Variants in ARNT2 observed in about 807,000 individuals in gnomAD.
The protein encoded by ARNT2 is aryl hydrocarbon receptor nuclear translocator 2, also known as ARNT protein 2.
A neutral mutation model predicts 91.7 loss-of-function variants in ARNT2; 36 were observed. The observed-to-expected ratio is 0.39, with a 90% CI of 0.30 to 0.52. The LOEUF is 0.52. Among genes scored for constraint, ARNT2 ranks in the 20% least tolerant of loss-of-function variants. The pLI is 0.72. For synonymous variants in ARNT2, 365 were observed against 347.1 expected (o/e 1.05, Z -0.57); for missense variants, 775 against 939.3 (o/e 0.83, Z 2.29).
chr15:80,441,148 C>T, intron 1 of ARNT2: 1 of 921,934 alleles, frequency 1.1e-6, no homozygotes, highest in Non-Finnish European at 1.3e-6. Context: ...GCAGTTAATG[C>T]TAGAAATTTT....
chr15:80,574,902 T>C, intron 13 of ARNT2, 85 bp from the exon 14 acceptor site: 2 of 1,487,058 alleles, frequency 1.3e-6, no homozygotes, highest in Non-Finnish European at 9.2e-7. Flanking sequence ...GGGGCTCTGA[T>C]GAAGGAGAGC....
chr15:80,470,221 G>T lies in ARNT2; in HGVS notation c.198G>T (p.Glu66Asp). 6.2e-7 allele frequency: 1 copy of T among 1,613,748 alleles called. No homozygotes were observed. The highest frequency in any genetic ancestry group is 1.1e-5 in the South Asian group (1 of 90,956). The stretch of plus-strand genomic sequence containing the variant: ...TGATCTCGTGCTTTCTGGAAAGAGA[G>T]AATCATAGTGAAATCGAAAGGCGCA... ...DGEGPSKFSR[E>D]NHSEIERRRR... Residue 66 changes from glutamate (E) to aspartate (D), a missense_variant, in exon 4 of 19, where the codon GAG becomes GAT. By Grantham distance (45) the Glu-to-Asp change is conservative. Around this residue, in one of 5 missense-constraint regions of ARNT2, gnomAD observed 83 missense variants for 149.4 expected, o/e 0.56. Coordinates refer to ENST00000303329, the MANE Select transcript of ARNT2 (RefSeq NM_014862.4).
intron 5 of ARNT2, among the ~76,000 whole-genome samples, chr15:80,497,971 A>C (rs1897142738): frequency 6.6e-6 from 1 of 152,220 alleles, no homozygotes; most frequent in South Asian, 2.1e-4. Context: ...GAAGCTGAAC[A>C]TCTGCATGTG....
chr15:80,513,823 T>C (rs1897383237), intron 6 of ARNT2, 88 bp from the exon 7 acceptor site: 3 of 1,141,976 alleles, frequency 2.6e-6, no homozygotes, highest in Non-Finnish European at 4.0e-6. Context: ...TAAGCATCAA[T>C]TAAGGCTCAT....
At chr15:80,433,207 C>T (rs201373572) in intron 1 of ARNT2, among the ~76,000 whole-genome samples, 1 of 130,362 alleles carries the variant, frequency 7.7e-6, no homozygotes, top group Admixed American at 7.5e-5. Flanking sequence ...CATTTTTTTT[C>T]CTTTTTAGAA....
At chr15:80,515,594 A>AATGACTGCT (rs1455106786) in intron 8 of ARNT2, among the ~76,000 whole-genome samples, 1 of 152,188 alleles carries the variant, frequency 6.6e-6, no homozygotes, top group African/African-American at 2.4e-5. Context: ...AAGAATGAGG[A>AATGACTGCT]ATGACTGCTA....
At chr15:80,508,101 T>C in intron 5 of ARNT2, 55 bp from the exon 6 acceptor site, 1 of 1,568,834 alleles carries the variant, frequency 6.4e-7, no homozygotes, top group Non-Finnish European at 8.8e-7. Context: ...AACTCCCTCC[T>C]CCATCTCCCA....
intron 4 of ARNT2, among the ~76,000 whole-genome samples, chr15:80,474,194 C>G (rs1595978533): frequency 6.6e-6 from 1 of 152,178 alleles, no homozygotes; most frequent in Non-Finnish European, 1.5e-5. Flanking sequence ...TTGCCCCATC[C>G]ACGTCCTTCT....
At chr15:80,571,108 G>T (rs1336081861) in intron 12 of ARNT2, among the ~76,000 whole-genome samples, 4 of 152,208 alleles carry the variant, frequency 2.6e-5, no homozygotes, top group Non-Finnish European at 5.9e-5. Context: ...GGCAGAAGTT[G>T]TTCCCCAGAT....
At chr15:80,509,543 A>T (rs1897315495) in intron 6 of ARNT2, among the ~76,000 whole-genome samples, 1 of 152,180 alleles carries the variant, frequency 6.6e-6, no homozygotes, top group Non-Finnish European at 1.5e-5. Flanking sequence ...AAGTAGACAA[A>T]AGTACCAAGT....
chr15:80,450,911 G>T lies in ARNT2; in HGVS notation c.63G>T (p.Thr21=). The T allele has an allele frequency of 3.7e-6, 6 of 1,614,198 alleles. No homozygotes were observed. The highest frequency in any genetic ancestry group is 1.3e-5 in the African/African-American group (1 of 75,072). The stretch of plus-strand genomic sequence containing the variant: ...CTTCAGACATACCTGGATCTGTGAC[G>T]TTGCCCGTTGCCCCCATGGCGGCCA... ...EMASDIPGSV[T]LPVAPMAATG... The change falls in exon 2 of 19, where the codon ACG becomes ACT. Residue 21 remains threonine (T), a synonymous_variant. Coordinates refer to ENST00000303329, the MANE Select transcript of ARNT2 (RefSeq NM_014862.4).
chr15:80,411,781 ACAC>A lies in ARNT2; in HGVS notation c.31+7237_31+7239del, dbSNP rs549942842. On this transcript the variant is annotated intron_variant, in intron 1 of 18. Transcript: ENST00000303329. The stretch of plus-strand genomic sequence containing the variant: ...GCAGGTGGGTGGGTGAGGAGGTCCT[ACAC>A]CTACCTGATACCTTGGACACACAAA... Among the ~76,000 whole-genome samples, 84 of 152,046 alleles carry A rather than the reference ACAC, an allele frequency of 5.5e-4. 1 individual carries two copies. The highest frequency in any genetic ancestry group is 1.7e-3 in the African/African-American group (70 of 41,462).
chr15:80,506,797 A>G (rs1897281561), intron 5 of ARNT2, among the ~76,000 whole-genome samples: 1 of 152,228 alleles, frequency 6.6e-6, no homozygotes, highest in Admixed American at 6.5e-5. Flanking sequence ...GAGAATGCCA[A>G]CATGGGGTGG....
At position 80,475,186 on chromosome 15, in the gene ARNT2, G is replaced by C. The variant is rs1334913981; in HGVS notation, c.585G>C (p.Leu195=). The C allele has an allele frequency of 6.2e-7, 1 of 1,614,032 alleles. No individual in the cohort carries two copies. The highest frequency in any genetic ancestry group is 1.3e-5 in the African/African-American group (1 of 74,934). The change falls in exon 5 of 19, where the codon CTG becomes CTC. Residue 195 remains leucine (L), a synonymous_variant. Transcript: ENST00000303329. ...EQVHPDDVEK[L]REQLCTSENS... Reference sequence around the variant, plus strand: ...TGCATCCTGATGACGTGGAGAAGCTGAGAGAGCAACTGTGCACCTCAGAAA... The same window carrying C: ...TGCATCCTGATGACGTGGAGAAGCTCAGAGAGCAACTGTGCACCTCAGAAA...
intron 8 of ARNT2, among the ~76,000 whole-genome samples, chr15:80,550,583 GA>G (rs2141455512): frequency 6.6e-6 from 1 of 152,332 alleles, no homozygotes; most frequent in South Asian, 2.1e-4. Flanking sequence ...GGACCAAACA[GA>G]AGACTGTTTT....
At chr15:80,491,945 T>G (rs891239806) in intron 5 of ARNT2, among the ~76,000 whole-genome samples, 1 of 152,116 alleles carries the variant, frequency 6.6e-6, no homozygotes, top group Non-Finnish European at 1.5e-5. Context: ...CTTTCTCTAC[T>G]GAATTGCCTT....
chr15:80,475,873 GAAA>G (rs1276109192), intron 5 of ARNT2, among the ~76,000 whole-genome samples: 1 of 152,144 alleles, frequency 6.6e-6, no homozygotes, highest in Non-Finnish European at 1.5e-5. Flanking sequence ...TTAGTTACCT[GAAA>G]TCTAGTTCCT....
intron 1 of ARNT2, among the ~76,000 whole-genome samples, chr15:80,450,450 G>A (rs1245545732): frequency 6.6e-6 from 1 of 152,166 alleles, no homozygotes. Flanking sequence ...AGGGGCAGTG[G>A]CGGGCACTGC....
chr15:80,530,675 A>G (rs1382015370), intron 8 of ARNT2, among the ~76,000 whole-genome samples: 1 of 152,168 alleles, frequency 6.6e-6, no homozygotes, highest in African/African-American at 2.4e-5. Context: ...CTCAAGTGGT[A>G]TCAGTTCAAT....
Sources: gnomAD v4.1 joint callset for allele counts (sites outside exome capture counted in the v4.1 genomes callset) on GRCh38, gnomAD v4.1.1 for gene constraint, gnomAD v4.1.1 regional missense constraint, MANE v1.5 for transcripts, NCBI Gene and HGNC (gene_info 2026-07-23, HGNC 2026-07-21) for gene names.